INTS2: variants seen among roughly 807,000 people sequenced by gnomAD.
INTS2 encodes the protein integrator complex subunit 2.
A neutral mutation model predicts 139.6 loss-of-function variants in INTS2; 57 were observed. The ratio of observed to expected loss-of-function variants is 0.41; its 90% CI spans 0.33 to 0.51. The LOEUF (loss-of-function observed/expected upper bound fraction) is 0.51. INTS2 is among the 20% of genes least tolerant of loss of function. The pLI, the probability that INTS2 is intolerant of heterozygous loss-of-function variation, is 0.28. For missense variants in INTS2, 1,196 were observed against 1,436.7 expected (o/e 0.83, Z 2.71); for synonymous variants, 473 against 493.4 (o/e 0.96, Z 0.55).
At chr17:61,917,388 G>A (rs1224898402) in intron 5 of INTS2, among the ~76,000 whole-genome samples, 1 of 152,176 alleles carries the variant, frequency 6.6e-6, no homozygotes, top group Non-Finnish European at 1.5e-5. Flanking sequence ...CAACCTTGGT[G>A]CCCATCAACA....
At chr17:61,914,873 CAA>C (rs749701339) in intron 5 of INTS2, among the ~76,000 whole-genome samples, 21 of 116,546 alleles carry the variant, frequency 1.8e-4, no homozygotes, top group Non-Finnish European at 1.6e-4. Flanking sequence ...GACACTATCT[CAA>C]AAAAAAAAAA....
At chr17:61,899,233 T>C (rs1052478112) in intron 9 of INTS2, among the ~76,000 whole-genome samples, 1 of 152,146 alleles carries the variant, frequency 6.6e-6, no homozygotes, top group Admixed American at 6.6e-5. Flanking sequence ...CCTTTTTCAC[T>C]GTAGCTCTCA....
At chr17:61,880,265 C>T (rs566551104) in intron 17 of INTS2, among the ~76,000 whole-genome samples, 1 of 151,924 alleles carries the variant, frequency 6.6e-6, no homozygotes, top group South Asian at 2.1e-4. Flanking sequence ...GCAGGATGGT[C>T]TCAATCTCCT....
chr17:61,892,853 C>T (rs988684099), intron 13 of INTS2, among the ~76,000 whole-genome samples: 2 of 146,324 alleles, frequency 1.4e-5, no homozygotes, highest in Non-Finnish European at 3.0e-5. Context: ...ACTCAGGAGG[C>T]GGAAGCAGGG....
At chr17:61,907,957 A>G (rs916527695) in intron 7 of INTS2, among the ~76,000 whole-genome samples, 1 of 152,250 alleles carries the variant, frequency 6.6e-6, no homozygotes, top group African/African-American at 2.4e-5. Context: ...GAAAATGCTC[A>G]GATTTTGAAG....
intron 8 of INTS2, among the ~76,000 whole-genome samples, chr17:61,905,216 C>T (rs189769574): frequency 9.2e-5 from 14 of 152,128 alleles, no homozygotes; most frequent in Non-Finnish European, 1.5e-5. Flanking sequence ...GCTGGGATTA[C>T]AGGTGTAAGT....
At chr17:61,919,348 T>G (rs2079615065) in intron 5 of INTS2, 52 bp downstream of exon 5, 3 of 857,884 alleles carry the variant, frequency 3.5e-6, no homozygotes, top group Non-Finnish European at 5.8e-6. Flanking sequence ...AGATAGGTCC[T>G]GTACATGTCC....
chr17:61,869,668 T>C lies in INTS2; in HGVS notation c.3030+69A>G. On this transcript the variant is annotated intron_variant, in intron 21 of 24. Coordinates refer to ENST00000251334, the MANE Select transcript of INTS2 (RefSeq NM_001351695.2). This position sits in a 1 kb window ranked among gnomAD's most constrained non-coding sequence, Gnocchi z 5.4. The stretch of plus-strand genomic sequence containing the variant: ...TCTCTGGTTTCTAAATGATCCCTGT[T>C]AATATAGTATTCAAAGCCCCCAAGA... 6.6e-7 allele frequency: 1 copy of C among 1,520,830 alleles called. No individual in the cohort carries two copies. Among genetic ancestry groups the C allele is most frequent in the Non-Finnish European group, 9.0e-7 (1 of 1,114,102 alleles). 94.2% of individuals were successfully genotyped at this position (1,520,830 alleles called of 1,614,324 possible).
chr17:61,921,266 G>C (rs1420424551), intron 4 of INTS2: 1 of 152,262 alleles, frequency 6.6e-6, no homozygotes, highest in African/African-American at 2.4e-5. Context: ...AGGATCCCTT[G>C]AGTCCAGGAA....
At chr17:61,902,215 C>CT (rs1195234281) in intron 9 of INTS2, among the ~76,000 whole-genome samples, 2 of 152,068 alleles carry the variant, frequency 1.3e-5, no homozygotes, top group Non-Finnish European at 2.9e-5. Context: ...GCCTGAGTCT[C>CT]TTTTTGACTA....
Position 61,927,735 on chromosome 17 carries a change from C to T in INTS2, c.-100G>A. On this transcript the variant is annotated 5_prime_UTR_variant, in exon 1 of 25. Coordinates refer to ENST00000251334, the MANE Select transcript of INTS2 (RefSeq NM_001351695.2). ...CGGGACGCGGCAGAAATCGAGAGCG[C>T]GGTCCGATGTTGGGCCTAGGCGATA... 2.0e-6 allele frequency: 3 copies of T among 1,468,568 alleles called. No homozygotes were observed. Among genetic ancestry groups the T allele is most frequent in the Non-Finnish European group, 1.8e-6 (2 of 1,112,868 alleles). 91.0% of individuals were successfully genotyped at this position (1,468,568 alleles called of 1,614,324 possible).
intron 8 of INTS2, among the ~76,000 whole-genome samples, chr17:61,906,374 T>C (rs992125148): frequency 2.6e-5 from 4 of 152,192 alleles, no homozygotes; most frequent in African/African-American, 9.6e-5. Context: ...CCTCCTCTGC[T>C]ATATGTACAT....
At chr17:61,912,695 T>A (rs1054439669) in intron 5 of INTS2, among the ~76,000 whole-genome samples, 1 of 152,096 alleles carries the variant, frequency 6.6e-6, no homozygotes, top group African/African-American at 2.4e-5. Flanking sequence ...CCCAGTTCAA[T>A]GAGCCCTAAG....
In INTS2 at chr17:61,919,449, G is replaced by A. The variant is rs1384481463; in HGVS notation, c.600C>T (p.Ala200=). 3 of 1,602,524 alleles carry A rather than the reference G, an allele frequency of 1.9e-6. No individual in the cohort carries two copies. The highest frequency in any genetic ancestry group is 1.7e-6 in the Non-Finnish European group (2 of 1,173,976). Residue 200 remains alanine (A), a synonymous_variant, in exon 5 of 25, where the codon GCC becomes GCT. Transcript: ENST00000251334. The part of the protein sequence containing the change: ...AEALLHVRNG[A]WFLCLLVANV... Reference sequence around the variant, plus strand: ...TGGCCACCAAGAGACACAAGAACCAGGCACCATTTCTAACATGTAGCAAAG... The same window carrying A: ...TGGCCACCAAGAGACACAAGAACCAAGCACCATTTCTAACATGTAGCAAAG...
intron 7 of INTS2, among the ~76,000 whole-genome samples, chr17:61,908,488 C>T (rs1182357802): frequency 6.6e-6 from 1 of 152,174 alleles, no homozygotes; most frequent in Non-Finnish European, 1.5e-5. Context: ...TTAGTCTTCT[C>T]TCACTCTGCA....
rs955377789 is a variant in INTS2, at chr17:61,876,168, T to C, written c.2457-1130A>G. ...GGGTGACAAAGCAAGACCCTGTATC[T>C]AAAAAGTAAAAATAAAAAATAATTT... On this transcript the variant is annotated intron_variant, in intron 18 of 24. Transcript: ENST00000251334. The surrounding 1 kb of genome is among the most constrained non-coding windows in gnomAD (Gnocchi z 4.1). 3.3e-5 allele frequency among the ~76,000 whole-genome samples: 5 copies of C among 152,060 alleles called. No homozygotes were observed. The East Asian group carries it at 9.6e-4, about 29-fold the overall frequency.
chr17:61,894,106 T>C, intron 12 of INTS2: 1 of 365,410 alleles, frequency 2.7e-6, no homozygotes, highest in Non-Finnish European at 4.8e-6. Flanking sequence ...AATTTTTTGT[T>C]TATAAACATA....
At chr17:61,925,233 G>A (rs1019823905) in intron 2 of INTS2, 134 bp from the exon 3 acceptor site, 12 of 855,186 alleles carry the variant, frequency 1.4e-5, no homozygotes, top group Non-Finnish European at 1.8e-5. Flanking sequence ...CTTCTGAAAT[G>A]CTATTTAGTT....
At chr17:61,880,634 C>T (rs2079169239) in intron 17 of INTS2, among the ~76,000 whole-genome samples, 1 of 151,996 alleles carries the variant, frequency 6.6e-6, no homozygotes, top group Admixed American at 6.6e-5. Context: ...CACCTGTAGT[C>T]CCAGCTACTT....
Sources: gnomAD v4.1 joint callset for allele counts (sites outside exome capture counted in the v4.1 genomes callset) on GRCh38, gnomAD v4.1.1 for gene constraint, Gnocchi (gnomAD v3.1) non-coding constraint, MANE v1.5 for transcripts, NCBI Gene and HGNC (gene_info 2026-07-23, HGNC 2026-07-21) for gene names.